ZXDC: variants seen among roughly 807,000 people sequenced by gnomAD.
The protein encoded by ZXDC is zinc finger protein ZXDC.
ZXDC carries 58 observed loss-of-function variants against 63.6 expected under a neutral mutation model. That is an observed-to-expected ratio of 0.91 (90% CI 0.74 to 1.13). The LOEUF is 1.13. Ranked by LOEUF, ZXDC falls within the 50% of genes most tolerant of loss-of-function variation. The pLI is 0.00. For synonymous variants in ZXDC, 561 were observed against 496.1 expected (o/e 1.13, Z -1.74); for missense variants, 1,133 against 1,148.9 (o/e 0.99, Z 0.20).
chr3:126,468,632 C>T (rs1167869568), intron 4 of ZXDC, among the ~76,000 whole-genome samples: 1 of 152,200 alleles, frequency 6.6e-6, no homozygotes, highest in African/African-American at 2.4e-5. Flanking sequence ...TCCCCTTTCC[C>T]CAGTCACCTC....
At chr3:126,439,401 T>C (rs34304783) in intron 9 of ZXDC, among the ~76,000 whole-genome samples, 12,056 of 152,248 alleles carry the variant, frequency 0.079, 538 homozygotes, top group African/African-American at 0.099. Context: ...TTCAAGAGCA[T>C]ATTAACTTCT....
At chr3:126,461,287 C>T (rs1934522595) in intron 6 of ZXDC, 3 of 1,313,196 alleles carry the variant, frequency 2.3e-6, no homozygotes, top group Admixed American at 7.3e-5. Flanking sequence ...CCACAGGACT[C>T]CAAAGGACCT....
In ZXDC at chr3:126,466,316, G is replaced by C; in HGVS notation, c.1280C>G (p.Ala427Gly). The C allele has an allele frequency of 6.2e-7, 1 of 1,614,138 alleles. No homozygotes were observed. Among genetic ancestry groups the C allele is most frequent in the South Asian group, 1.1e-5 (1 of 91,074 alleles). ...CAGACTGCTACGAGCGGAGAACCTC[G>C]CGCAACATCCTGGAACAAAAAGAGT... ...PFECPVEGCC[A>G]RFSARSSLYI... Residue 427 changes from alanine (A) to glycine (G), a missense_variant, in exon 5 of 10, where the codon GCG becomes GGG. Transcript: ENST00000389709.
At chr3:126,461,066 G>A (rs571105821) in intron 6 of ZXDC, 404 of 985,230 alleles carry the variant, frequency 4.1e-4, no homozygotes, top group Non-Finnish European at 4.7e-4. Context: ...AAGAACTAAG[G>A]CTCATAAACC....
Position 126,438,275 on chromosome 3 carries a change from G to A in ZXDC, c.*100C>T, listed in dbSNP as rs566043642. The A allele has an allele frequency of 1.7e-5, 17 of 1,008,940 alleles. No individual in the cohort carries two copies. Among genetic ancestry groups the A allele is most frequent in the Non-Finnish European group, 2.6e-5 (17 of 655,290 alleles). 62.5% of individuals were successfully genotyped at this position (1,008,940 alleles called of 1,614,324 possible). On this transcript the variant is annotated 3_prime_UTR_variant, in exon 10 of 10. Transcript: ENST00000389709. ...CTCAAAAGGGCTACGCTGGTCTTCT[G>A]AACGGAAACCAAATGAGGTCTCCCC... is the stretch of plus-strand genomic sequence containing the variant.
intron 7 of ZXDC, chr3:126,452,132 G>T: frequency 5.1e-6 from 5 of 985,370 alleles, no homozygotes; most frequent in Non-Finnish European, 6.0e-6. Context: ...GGTGCCCAGT[G>T]CGCTGGATCC....
chr3:126,441,632 G>C, intron 8 of ZXDC, 133 bp downstream of exon 8: 2 of 1,426,308 alleles, frequency 1.4e-6, no homozygotes, highest in Non-Finnish European at 1.8e-6. Flanking sequence ...AGTCTACAGG[G>C]GAGGATGCAC....
chr3:126,453,058 GC>G, intron 7 of ZXDC: 1 of 985,388 alleles, frequency 1.0e-6, no homozygotes, highest in Non-Finnish European at 1.2e-6. Context: ...TTCATGGGAA[GC>G]TTCTGTTTTC....
intron 6 of ZXDC, chr3:126,460,118 A>C (rs891696527): frequency 1.0e-6 from 1 of 985,418 alleles, no homozygotes; most frequent in Non-Finnish European, 1.2e-6. Flanking sequence ...TGTTTCACAC[A>C]CGTGCATGGC....
intron 7 of ZXDC, among the ~76,000 whole-genome samples, chr3:126,455,494 G>T (rs575269361): frequency 6.6e-4 from 101 of 152,248 alleles, no homozygotes; most frequent in Non-Finnish European, 1.2e-3. Context: ...TCTGGAGGAG[G>T]AGTCGATTCC....
At chr3:126,449,281 T>C (rs1289456129) in intron 7 of ZXDC, among the ~76,000 whole-genome samples, 1 of 152,194 alleles carries the variant, frequency 6.6e-6, no homozygotes, top group Non-Finnish European at 1.5e-5. Context: ...GGCTGGACTT[T>C]AATTCCTGGG....
At chr3:126,455,406 C>T (rs986254385) in intron 7 of ZXDC, among the ~76,000 whole-genome samples, 4 of 152,116 alleles carry the variant, frequency 2.6e-5, no homozygotes, top group African/African-American at 9.7e-5. Flanking sequence ...TATAACAAAA[C>T]CCCAGTAACA....
chr3:126,454,972 T>C, intron 7 of ZXDC: 1 of 985,432 alleles, frequency 1.0e-6, no homozygotes, highest in South Asian at 4.7e-5. Flanking sequence ...AGACTGTACA[T>C]TTCCTAAGAA....
chr3:126,471,475 A>G (rs1001302494), intron 3 of ZXDC, among the ~76,000 whole-genome samples: 1 of 152,210 alleles, frequency 6.6e-6, no homozygotes, highest in African/African-American at 2.4e-5. Context: ...ACATTTTTAT[A>G]TTAAATCCTC....
At position 126,452,059 on chromosome 3, in the gene ZXDC, T is replaced by C. The variant is rs189871576; in HGVS notation, c.2212+7594A>G. ...TTTTTTTTTCCCTAAAAGGCCAGCA[T>C]TCACCTGTCAATAACTGGAAATGCC... is the stretch of plus-strand genomic sequence containing the variant. On this transcript the variant is annotated intron_variant, in intron 7 of 9. Coordinates refer to ENST00000389709, the MANE Select transcript of ZXDC (RefSeq NM_025112.5). 1.2e-5 allele frequency: 12 copies of C among 985,384 alleles called. No individual in the cohort carries two copies. The East Asian group carries it at 1.2e-3, about 103-fold the overall frequency. 61.0% of individuals were successfully genotyped at this position (985,384 alleles called of 1,614,324 possible). A position where few individuals can be genotyped will look rare whatever the true frequency, so the allele number is the denominator to read the frequency against.
chr3:126,475,671 G>A lies in ZXDC; in HGVS notation c.195C>T (p.Pro65=). The A allele has an allele frequency of 2.8e-6, 4 of 1,415,406 alleles. No homozygotes were observed. The highest frequency in any genetic ancestry group is 3.7e-6 in the Non-Finnish European group (4 of 1,080,746). 87.7% of individuals were successfully genotyped at this position (1,415,406 alleles called of 1,614,324 possible). A position where few individuals can be genotyped will look rare whatever the true frequency, so the allele number is the denominator to read the frequency against. Residue 65 remains proline (P), a synonymous_variant, in exon 1 of 10, where the codon CCC becomes CCT. Transcript: ENST00000389709. ...AGTCGCCGTCGCTGTCGTCCTCGGC[G>A]GGCGGCGGGCTTGGCCCGGAGGCCT... ...PGEASGPSPP[P]AEDDSDGDSF...
At chr3:126,468,180 G>A (rs572587151) in intron 4 of ZXDC, among the ~76,000 whole-genome samples, 9 of 151,848 alleles carry the variant, frequency 5.9e-5, no homozygotes, top group East Asian at 3.9e-4. Context: ...TCACATGGAC[G>A]GCCAGGCAAG....
chr3:126,458,359 C>T (rs1474768547), intron 7 of ZXDC, among the ~76,000 whole-genome samples: 1 of 151,852 alleles, frequency 6.6e-6, no homozygotes, highest in Non-Finnish European at 1.5e-5. Flanking sequence ...GCCTCAGCCT[C>T]CCAAGTAGCT....
At position 126,438,263 on chromosome 3, in the gene ZXDC, C is replaced by CG; in HGVS notation, c.*111dup. The CG allele has an allele frequency of 1.2e-6, 1 of 853,108 alleles. No individual in the cohort carries two copies. The highest frequency in any genetic ancestry group is 1.5e-5 in the South Asian group (1 of 68,218). The allele number at this position is 853,108 out of a possible 1,614,324, so 52.8% of individuals were successfully genotyped here. ...GTACCCAAAAGTCTCAAAAGGGCTA[C>CG]GCTGGTCTTCTGAACGGAAACCAAA... On this transcript the variant is annotated 3_prime_UTR_variant, in exon 10 of 10. Coordinates refer to ENST00000389709, the MANE Select transcript of ZXDC (RefSeq NM_025112.5).
Sources: allele counts gnomAD v4.1 joint callset (sites outside exome capture counted in the v4.1 genomes callset), GRCh38; gene constraint gnomAD v4.1.1; transcripts MANE v1.5; gene names NCBI Gene and HGNC (gene_info 2026-07-23, HGNC 2026-07-21).